Variants in SOX6 observed in about 807,000 individuals in gnomAD.
SOX6 encodes the protein SRY-box transcription factor 6, also known as transcription factor SOX-6.
SOX6 carries 11 observed loss-of-function variants against 97.8 expected under a neutral mutation model. The observed-to-expected ratio is 0.11, with a 90% confidence interval of 0.07 to 0.19. SOX6 has a LOEUF of 0.19. Ranked by LOEUF, SOX6 falls within the 10% of genes least tolerant of loss-of-function variation. The pLI is 1.00. For synonymous variants in SOX6, 360 were observed against 371.4 expected (o/e 0.97, Z 0.35); for missense variants, 810 against 1,039.5 (o/e 0.78, Z 3.04).
chr11:16,254,439 T>C (rs1479112868), intron 3 of SOX6, among the ~76,000 whole-genome samples: 1 of 152,066 alleles, frequency 6.6e-6, no homozygotes, highest in Non-Finnish European at 1.5e-5. Context: ...CATATGTATA[T>C]GCTTATGTAT....
At chr11:16,561,742 C>A (rs1277995521) in intron 4 of SOX6, among the ~76,000 whole-genome samples, 1 of 151,970 alleles carries the variant, frequency 6.6e-6, no homozygotes, top group Non-Finnish European at 1.5e-5. Context: ...ATTTACTTTT[C>A]TTTAATAGAT....
At chr11:16,400,047 T>G (rs1858507445) in intron 1 of SOX6, among the ~76,000 whole-genome samples, 1 of 151,520 alleles carries the variant, frequency 6.6e-6, no homozygotes, top group Admixed American at 6.6e-5. Flanking sequence ...AAAGTTCCAT[T>G]TTTTAAAGTT....
At chr11:16,329,894 T>C (rs1278602289) in intron 2 of SOX6, among the ~76,000 whole-genome samples, 1 of 152,176 alleles carries the variant, frequency 6.6e-6, no homozygotes, top group Non-Finnish European at 1.5e-5. Flanking sequence ...TTCCAATCTA[T>C]ATTTCTATTC....
At position 16,146,176 on chromosome 11, in the gene SOX6, A is replaced by G. The variant is rs572895814; in HGVS notation, c.778-34253T>C. 4.3e-4 allele frequency among the ~76,000 whole-genome samples: 65 copies of G among 152,342 alleles called. 1 individual carries two copies. The highest frequency in any genetic ancestry group is 7.2e-4 in the Admixed American group (11 of 15,300). Reference sequence around the variant, plus strand: ...GAGATATAGACCAATGGAACAGAACAGAGCCCTCAGAAATAATACCACACA... The same window carrying G: ...GAGATATAGACCAATGGAACAGAACGGAGCCCTCAGAAATAATACCACACA... On this transcript the variant is annotated intron_variant, in intron 6 of 15. Coordinates refer to ENST00000683767, the MANE Select transcript of SOX6 (RefSeq NM_001367873.1).
intron 4 of SOX6, among the ~76,000 whole-genome samples, chr11:16,579,565 T>C (rs1848012504): frequency 2.0e-5 from 3 of 152,118 alleles, no homozygotes; most frequent in Admixed American, 1.3e-4. Flanking sequence ...AATCTTTAGC[T>C]GTTTCTCTCT....
At chr11:16,712,390 G>T (rs895491890) in intron 3 of SOX6, among the ~76,000 whole-genome samples, 1 of 151,894 alleles carries the variant, frequency 6.6e-6, no homozygotes, top group African/African-American at 2.4e-5. Context: ...TTCCCTGTTC[G>T]CCACATCCAT....
chr11:16,036,548 T>C (rs775446838), intron 12 of SOX6, among the ~76,000 whole-genome samples: 5 of 152,198 alleles, frequency 3.3e-5, no homozygotes, highest in Non-Finnish European at 5.9e-5. Context: ...AGAGATAATG[T>C]GGACGAGTTA....
intron 9 of SOX6, among the ~76,000 whole-genome samples, chr11:16,094,278 T>G (rs1401127171): frequency 6.6e-6 from 1 of 151,046 alleles, no homozygotes; most frequent in African/African-American, 2.4e-5. Flanking sequence ...GAAGCCAGAT[T>G]TGACACATCA....
rs556084265 is a variant in SOX6, at chr11:16,205,285, T to C, written c.536-18330A>G. Among the ~76,000 whole-genome samples the C allele has an allele frequency of 4.6e-5, 7 of 152,212 alleles. No individual in the cohort carries two copies. In the East Asian group the frequency reaches 1.2e-3, roughly 25 times the overall value. On this transcript the variant is annotated intron_variant, in intron 4 of 15. Coordinates refer to ENST00000683767, the MANE Select transcript of SOX6 (RefSeq NM_001367873.1). ...TTTTCAGAAATAGCAAATTGAGATC[T>C]TCTATAGGGAAAACAGTTACATATG...
At chr11:16,062,612 ATTGT>A (rs1161757335) in intron 9 of SOX6, among the ~76,000 whole-genome samples, 1 of 151,680 alleles carries the variant, frequency 6.6e-6, no homozygotes. Context: ...ATTCACACTG[ATTGT>A]TTGGGATATT....
At chr11:16,434,040 A>G (rs1349867936) in intron 1 of SOX6, 2 of 152,092 alleles carry the variant, frequency 1.3e-5, no homozygotes, top group Admixed American at 6.6e-5. Context: ...TAATAATTTA[A>G]TGCTTTCCAT....
At chr11:16,076,294 AAATTATC>A (rs1406633343) in intron 9 of SOX6, among the ~76,000 whole-genome samples, 1 of 152,178 alleles carries the variant, frequency 6.6e-6, no homozygotes, top group Non-Finnish European at 1.5e-5. Flanking sequence ...AAAGCTAAAG[AAATTATC>A]AACAGAATAA....
At chr11:16,642,983 A>G (rs1465300883) in intron 3 of SOX6, among the ~76,000 whole-genome samples, 2 of 152,132 alleles carry the variant, frequency 1.3e-5, no homozygotes, top group Non-Finnish European at 2.9e-5. Context: ...GGAGGAGAAG[A>G]GGTGCTCTGA....
chr11:16,102,189 A>G (rs1288121207), intron 7 of SOX6, among the ~76,000 whole-genome samples: 2 of 151,982 alleles, frequency 1.3e-5, no homozygotes, highest in African/African-American at 4.8e-5. Context: ...AAGTTTCAGG[A>G]TACAAAATTA....
chr11:16,400,530 T>C (rs1291828170), intron 1 of SOX6, among the ~76,000 whole-genome samples: 1 of 151,456 alleles, frequency 6.6e-6, no homozygotes, highest in African/African-American at 2.4e-5. Context: ...GTAAAACAAA[T>C]TGTGGTACAT....
At chr11:16,274,207 T>C (rs1023051706) in intron 3 of SOX6, among the ~76,000 whole-genome samples, 1 of 152,146 alleles carries the variant, frequency 6.6e-6, no homozygotes, top group African/African-American at 2.4e-5. Context: ...ATATTATCCC[T>C]AATGCTAAAA....
chr11:15,986,220 G>T lies in SOX6; in HGVS notation c.2167C>A (p.Gln723Lys). The T allele has an allele frequency of 6.2e-7, 1 of 1,614,034 alleles. No homozygotes were observed. Among genetic ancestry groups the T allele is most frequent in the South Asian group, 1.1e-5 (1 of 91,076 alleles). Residue 723 changes from glutamine (Q) to lysine (K), a missense_variant, in exon 15 of 16, where the codon CAG becomes AAG. Around this residue, in one of 9 missense-constraint regions of SOX6, gnomAD observed 122 missense variants for 153.4 expected, o/e 0.80. Coordinates refer to ENST00000683767, the MANE Select transcript of SOX6 (RefSeq NM_001367873.1). ...LMRSRRQEMR[Q>K]FFTVGQQPQI... is the part of the protein sequence containing the mutation. Reference sequence around the variant, plus strand: ...AATACTTACCCCACAGTAAAGAACTGCCTCATCTCCTGTCTCCGAGACCTC... The same window carrying T: ...AATACTTACCCCACAGTAAAGAACTTCCTCATCTCCTGTCTCCGAGACCTC...
At chr11:16,070,821 G>C (rs796562886) in intron 9 of SOX6, among the ~76,000 whole-genome samples, 16 of 152,282 alleles carry the variant, frequency 1.1e-4, no homozygotes, top group African/African-American at 3.6e-4. Flanking sequence ...GACTAGGAAT[G>C]GGAGAATCCT....
At chr11:16,500,648 A>T (rs1398323832) in intron 4 of SOX6, among the ~76,000 whole-genome samples, 2 of 152,226 alleles carry the variant, frequency 1.3e-5, no homozygotes, top group Admixed American at 1.3e-4. Flanking sequence ...AATCACAAGC[A>T]TTCTTATATA....
Sources: allele counts gnomAD v4.1 joint callset (sites outside exome capture counted in the v4.1 genomes callset), GRCh38; gene constraint gnomAD v4.1.1; regional missense constraint gnomAD v4.1.1; transcripts MANE v1.5; gene names NCBI Gene and HGNC (gene_info 2026-07-23, HGNC 2026-07-21).